The following GALNT13 variants were observed in gnomAD, a reference collection of about 807,000 sequenced individuals.
GALNT13 encodes the protein UDP-GalNAc:polypeptide N-acetylgalactosaminyltransferase 13.
Under a neutral mutation model 64.2 loss-of-function variants are expected in GALNT13, and 28 were observed. The ratio of observed to expected loss-of-function variants is 0.44; its 90% confidence interval spans 0.32 to 0.60. The LOEUF is 0.60. Ranked by LOEUF, GALNT13 falls within the 20% of genes least tolerant of loss-of-function variation. The pLI is 0.05. For missense variants in GALNT13, 577 were observed against 669.8 expected (o/e 0.86, Z 1.53); for synonymous variants, 214 against 224.6 (o/e 0.95, Z 0.42).
intron 3 of GALNT13, among the ~76,000 whole-genome samples, chr2:154,012,528 G>A (rs1696717654): frequency 6.6e-6 from 1 of 152,114 alleles, no homozygotes; most frequent in Admixed American, 6.5e-5. Context: ...TGGAAAATCT[G>A]ATAAGTATGT....
At chr2:153,701,156 A>G in the GALNT13 span, among the ~76,000 whole-genome samples, 1 of 152,140 alleles carries the variant, frequency 6.6e-6, no homozygotes, top group African/African-American at 2.4e-5. Flanking sequence ...CATAAACACC[A>G]ATGGAACAGA....
intron 8 of GALNT13, among the ~76,000 whole-genome samples, chr2:154,296,771 TC>T (rs1397070150): frequency 6.6e-6 from 1 of 152,150 alleles, no homozygotes; most frequent in Non-Finnish European, 1.5e-5. Context: ...TTTTAAAGAT[TC>T]TTTTTTTTTG....
the GALNT13 span, among the ~76,000 whole-genome samples, chr2:153,277,473 G>C: frequency 2.0e-5 from 3 of 152,126 alleles, no homozygotes; most frequent in Non-Finnish European, 4.4e-5. Context: ...TACCTAAATT[G>C]ATTCCATGTC....
intron 3 of GALNT13, among the ~76,000 whole-genome samples, chr2:154,005,042 G>T (rs932218544): frequency 4.6e-5 from 7 of 152,048 alleles, no homozygotes; most frequent in African/African-American, 1.7e-4. Flanking sequence ...GCAGAAAATT[G>T]ACCTTATTTT....
the GALNT13 span, among the ~76,000 whole-genome samples, chr2:153,813,552 C>T: frequency 6.6e-6 from 1 of 151,828 alleles, no homozygotes; most frequent in African/African-American, 2.4e-5. Flanking sequence ...CATCAGAGGA[C>T]CTAGAAAGGT....
the GALNT13 span, among the ~76,000 whole-genome samples, chr2:153,673,021 C>T: frequency 6.6e-6 from 1 of 152,138 alleles, no homozygotes; most frequent in African/African-American, 2.4e-5. Context: ...GAAGTTGAAT[C>T]TCTGAATAGA....
At chr2:154,147,282 G>A (rs141393071) in intron 4 of GALNT13, among the ~76,000 whole-genome samples, 6 of 150,566 alleles carry the variant, frequency 4.0e-5, no homozygotes, top group African/African-American at 7.3e-5. Context: ...TAAAATATAC[G>A]GTTTTACATT....
At chr2:153,871,893 T>TGGGAGGG (rs1174805920), upstream of GALNT13, 3 of 5,100 alleles carry the variant, frequency 5.9e-4, no homozygotes, top group Non-Finnish European at 1.2e-3. Context: ...CGGGCTGGGG[T>TGGGAGGG]GGGAGGGGGG....
chr2:153,645,275 AC>A, the GALNT13 span, among the ~76,000 whole-genome samples: 1 of 152,260 alleles, frequency 6.6e-6, no homozygotes, highest in Non-Finnish European at 1.5e-5. Context: ...AAATTTAACG[AC>A]CTTTTAAATG....
chr2:153,786,239 T>G, the GALNT13 span, among the ~76,000 whole-genome samples: 1 of 152,100 alleles, frequency 6.6e-6, no homozygotes, highest in African/African-American at 2.4e-5. Flanking sequence ...GCACTGCAGT[T>G]ACAGTGGTAT....
chr2:153,388,178 T>C, the GALNT13 span, among the ~76,000 whole-genome samples: 2 of 152,038 alleles, frequency 1.3e-5, no homozygotes, highest in Admixed American at 1.3e-4. Context: ...TCCACACCTG[T>C]AAAGTTGGAG....
At chr2:154,146,175 TAC>T (rs1290370046) in intron 4 of GALNT13, among the ~76,000 whole-genome samples, 2 of 151,298 alleles carry the variant, frequency 1.3e-5, no homozygotes, top group Non-Finnish European at 3.0e-5. Flanking sequence ...CGCATACACA[TAC>T]ACACACATAT....
At chr2:153,491,879 A>G in the GALNT13 span, among the ~76,000 whole-genome samples, 1 of 152,048 alleles carries the variant, frequency 6.6e-6, no homozygotes, top group Admixed American at 6.6e-5. Flanking sequence ...CGGCCTCCCA[A>G]AGAGCTGGGA....
chr2:153,267,502 T>G, the GALNT13 span, among the ~76,000 whole-genome samples: 1 of 152,212 alleles, frequency 6.6e-6, no homozygotes, highest in Non-Finnish European at 1.5e-5. Context: ...GGATTGGGGC[T>G]TGCACCCTCT....
chr2:154,403,152 TA>T (rs558663326), intron 10 of GALNT13, among the ~76,000 whole-genome samples: 58 of 152,242 alleles, frequency 3.8e-4, no homozygotes, highest in Non-Finnish European at 7.2e-4. Context: ...GGCCTAGTGA[TA>T]AAAACCTTTC....
chr2:154,215,478 C>G (rs1280108854), intron 4 of GALNT13, among the ~76,000 whole-genome samples: 1 of 152,102 alleles, frequency 6.6e-6, no homozygotes, highest in Non-Finnish European at 1.5e-5. Context: ...TCTTGGCACT[C>G]TCCCTCCACC....
At chr2:153,827,887 G>A in the GALNT13 span, among the ~76,000 whole-genome samples, 37 of 152,216 alleles carry the variant, frequency 2.4e-4, no homozygotes, top group Non-Finnish European at 2.2e-4. Flanking sequence ...TACAATGGGT[G>A]TACAGGCATT....
At chr2:153,673,965 A>G in the GALNT13 span, among the ~76,000 whole-genome samples, 2 of 152,176 alleles carry the variant, frequency 1.3e-5, no homozygotes, top group African/African-American at 2.4e-5. Flanking sequence ...CTACAAAGAG[A>G]ATAAAATACC....
At chr2:153,421,434 G>C in the GALNT13 span, 1 of 224,340 alleles carries the variant, frequency 4.5e-6, no homozygotes, top group South Asian at 8.9e-5. Flanking sequence ...TGGTGGAATG[G>C]AGTTGTAGAG....
Sources: gnomAD v4.1 joint callset for allele counts (sites outside exome capture counted in the v4.1 genomes callset) on GRCh38, gnomAD v4.1.1 for gene constraint, MANE v1.5 for transcripts, NCBI Gene and HGNC (gene_info 2026-07-23, HGNC 2026-07-21) for gene names.